Variants in MTFMT observed in about 807,000 individuals in gnomAD.
The protein encoded by MTFMT is mitochondrial methionyl-tRNA formyltransferase, also known as methionyl-tRNA formyltransferase, mitochondrial.
A neutral mutation model predicts 51.8 loss-of-function variants in MTFMT; 47 were observed. The ratio of observed to expected loss-of-function variants is 0.91; its 90% confidence interval spans 0.72 to 1.16. MTFMT has a LOEUF of 1.16. Among genes scored for constraint, MTFMT ranks in the 50% most tolerant of loss-of-function variants. The pLI is 0.00. For synonymous variants in MTFMT, 196 were observed against 176.7 expected, an observed-to-expected ratio of 1.11 and a Z score of -0.87; for missense variants, 512 against 482.3, an observed-to-expected ratio of 1.06 and a Z score of -0.58.
rs2086396522 is a variant in MTFMT at position 65,023,791 on chromosome 15, GCCA to G, written c.420_422del (p.Gly141del). ...GGCAACTGGGATGAACATTCAATAT[GCCA>G]CTGAGTTAGAAAATGTAGAAATTAG... On this transcript the variant is annotated inframe_deletion and splice_region_variant, in exon 3 of 9. Transcript: ENST00000220058. 8 of 1,610,472 alleles carry G rather than the reference GCCA, an allele frequency of 5.0e-6. No individual in the cohort carries two copies. In the Middle Eastern group the frequency reaches 5.0e-4, roughly 100 times the overall value.
At chr15:65,029,189 G>C (rs1566945756) in intron 1 of MTFMT, 2 of 850,936 alleles carry the variant, frequency 2.4e-6, no homozygotes, top group Non-Finnish European at 2.8e-6. Flanking sequence ...GAGGCGGCGG[G>C]GAGTGAGGGG....
At chr15:65,012,890 C>T (rs1387226682) in intron 6 of MTFMT, among the ~76,000 whole-genome samples, 3 of 152,042 alleles carry the variant, frequency 2.0e-5, no homozygotes, top group African/African-American at 7.2e-5. Context: ...ACAAAGAAGC[C>T]AATTGGGATT....
In MTFMT at chr15:65,029,461, G is replaced by T; in HGVS notation, c.153C>A (p.Leu51=). The T allele has an allele frequency of 6.5e-7, 1 of 1,531,956 alleles. No homozygotes were observed. The allele number at this position is 1,531,956 out of a possible 1,614,324, so 94.9% of individuals were successfully genotyped here. A position where few individuals can be genotyped will look rare whatever the true frequency, so the allele number is the denominator to read the frequency against. ...GGGCGAACTGGTCCGTGCCGAAGAA[G>T]AGCACCCGCCAGGGAGGCTTCTCGC... ...RVREKPPWRV[L]FFGTDQFARE... The change falls in exon 1 of 9, where the codon CTC becomes CTA. Residue 51 remains leucine, a synonymous_variant. Coordinates refer to ENST00000220058, the MANE Select transcript of MTFMT (RefSeq NM_139242.4).
chr15:65,006,399 A>C, intron 6 of MTFMT, among the ~76,000 whole-genome samples: 2 of 141,408 alleles, frequency 1.4e-5, no homozygotes, highest in African/African-American at 2.7e-5. Context: ...TTTTTTTGAG[A>C]CGGAGTCTCG....
At chr15:65,013,287 C>CTTTTTTTTTT (rs71447831) in intron 6 of MTFMT, among the ~76,000 whole-genome samples, 2 of 142,770 alleles carry the variant, frequency 1.4e-5, no homozygotes, top group South Asian at 2.1e-4. Context: ...CTTTCTTCTT[C>CTTTTTTTTTT]TTTTTTTTTT....
At chr15:65,023,624 C>T in intron 3 of MTFMT, 48 bp downstream of exon 3, 1 of 1,598,598 alleles carries the variant, frequency 6.3e-7, no homozygotes, top group Non-Finnish European at 8.6e-7. Context: ...AGGCTGACAT[C>T]AACATTTAAA....
chr15:65,027,175 G>A, intron 1 of MTFMT, 135 bp from the exon 2 acceptor site: 3 of 662,512 alleles, frequency 4.5e-6, no homozygotes, highest in East Asian at 2.8e-5. Context: ...ACTAGTGTGA[G>A]AGACTGAGTT....
intron 5 of MTFMT, among the ~76,000 whole-genome samples, chr15:65,018,636 G>C (rs2086344305): frequency 6.6e-6 from 1 of 152,128 alleles, no homozygotes; most frequent in African/African-American, 2.4e-5. Context: ...TTCAGTGTGA[G>C]CCAGAGGACA....
At chr15:65,009,508 A>C (rs930725456) in intron 6 of MTFMT, among the ~76,000 whole-genome samples, 1 of 152,086 alleles carries the variant, frequency 6.6e-6, no homozygotes, top group Non-Finnish European at 1.5e-5. Context: ...ATCTATCTCT[A>C]ATTTCCCAGA....
At chr15:65,023,430 A>G (rs574765758) in intron 3 of MTFMT, among the ~76,000 whole-genome samples, 2 of 152,342 alleles carry the variant, frequency 1.3e-5, no homozygotes, top group African/African-American at 4.8e-5. Context: ...TTAATAATAT[A>G]ACCTATTTCA....
At chr15:65,020,540 T>C (rs2140485181) in intron 4 of MTFMT, among the ~76,000 whole-genome samples, 1 of 152,310 alleles carries the variant, frequency 6.6e-6, no homozygotes, top group Admixed American at 6.5e-5. Flanking sequence ...CTGCTTTCTG[T>C]AGAGTACAGG....
intron 6 of MTFMT, 125 bp downstream of exon 6, chr15:65,016,311 C>T: frequency 5.0e-6 from 3 of 595,746 alleles, no homozygotes; most frequent in South Asian, 2.6e-5. Flanking sequence ...GGTTTTGTTC[C>T]TAAGATCAAC....
chr15:65,026,717 A>G (rs1320599613), intron 2 of MTFMT, 114 bp downstream of exon 2: 34 of 882,114 alleles, frequency 3.9e-5, no homozygotes, highest in Non-Finnish European at 5.6e-5. Flanking sequence ...TGGTAAAAAT[A>G]AAAAAAGAAA....
intron 5 of MTFMT, 62 bp from the exon 6 acceptor site, chr15:65,016,589 A>G (rs1595890598): frequency 9.2e-7 from 1 of 1,086,096 alleles, no homozygotes; most frequent in African/African-American, 1.5e-5. Context: ...ATTGACAGCT[A>G]TTGATACTGA....
intron 6 of MTFMT, among the ~76,000 whole-genome samples, chr15:65,014,640 T>C (rs2086301899): frequency 6.7e-6 from 1 of 149,618 alleles, no homozygotes; most frequent in Non-Finnish European, 1.5e-5. Context: ...TTTTTTTTTT[T>C]CTTTTGAGAC....
intron 6 of MTFMT, among the ~76,000 whole-genome samples, chr15:65,006,623 G>A (rs762360206): frequency 1.4e-3 from 215 of 151,968 alleles, no homozygotes; most frequent in Admixed American, 2.4e-3. Flanking sequence ...TGATCCGCCC[G>A]CCTTAGCCTC....
At chr15:65,004,755 G>C (rs2086207664) in intron 8 of MTFMT, 99 bp downstream of exon 8, 7 of 655,202 alleles carry the variant, frequency 1.1e-5, no homozygotes, top group African/African-American at 1.9e-5. Context: ...CCAATCTATG[G>C]ACAGGCAGTT....
In MTFMT at chr15:65,023,556, G is replaced by A. The variant is rs1382768247; in HGVS notation, c.542+116C>T. On this transcript the variant is annotated intron_variant, in intron 3 of 8. Coordinates refer to ENST00000220058, the MANE Select transcript of MTFMT (RefSeq NM_139242.4). ...CAGAAAGGATATAAAAGCAGAAGAA[G>A]CACTCTGGAGTCACAGAAATTAGTG... The A allele has an allele frequency of 3.3e-6, 3 of 898,078 alleles. No homozygotes were observed. The African/African-American group carries it at 4.9e-5, about 15-fold the overall frequency. 55.6% of individuals were successfully genotyped at this position (898,078 alleles called of 1,614,324 possible). A position where few individuals can be genotyped will look rare whatever the true frequency, so the allele number is the denominator to read the frequency against.
At chr15:65,027,459 A>G (rs1323623643) in intron 1 of MTFMT, among the ~76,000 whole-genome samples, 2 of 152,042 alleles carry the variant, frequency 1.3e-5, no homozygotes, top group Admixed American at 6.5e-5. Flanking sequence ...TCCACCTCCC[A>G]AAGTGCTGGG....
Sources: gnomAD v4.1 joint callset for allele counts (sites outside exome capture counted in the v4.1 genomes callset) on GRCh38, gnomAD v4.1.1 for gene constraint, MANE v1.5 for transcripts, NCBI Gene and HGNC (gene_info 2026-07-23, HGNC 2026-07-21) for gene names.